AUTS2: variants seen among roughly 807,000 people sequenced by gnomAD.
AUTS2 encodes autism susceptibility gene 2 protein.
Under a neutral mutation model 112.4 loss-of-function variants are expected in AUTS2, and 17 were observed. The ratio of observed to expected loss-of-function variants is 0.15; its 90% confidence interval spans 0.10 to 0.23. The LOEUF is 0.23. Ranked by LOEUF, AUTS2 falls within the 10% of genes least tolerant of loss-of-function variation. The probability of loss-of-function intolerance (pLI) is 1.00; values close to 1 mark genes in which losing one functional copy is unlikely to be tolerated. For missense variants in AUTS2, 1,510 were observed against 1,701.6 expected, an observed-to-expected ratio of 0.89 and a Z score of 1.98; for synonymous variants, 751 against 702.7, an observed-to-expected ratio of 1.07 and a Z score of -1.09.
At chr7:70,679,895 T>C in intron 5 of AUTS2, among the ~76,000 whole-genome samples, 1 of 152,354 alleles carries the variant, frequency 6.6e-6, no homozygotes, top group East Asian at 1.9e-4. Flanking sequence ...TGATGACACA[T>C]TTACCCTTTT....
chr7:69,933,455 G>A (rs796118676), intron 2 of AUTS2, among the ~76,000 whole-genome samples: 4 of 152,128 alleles, frequency 2.6e-5, no homozygotes, highest in African/African-American at 7.2e-5. Context: ...TTTTTTCTTC[G>A]TTTAATCCTT....
intron 1 of AUTS2, among the ~76,000 whole-genome samples, chr7:69,726,555 G>A (rs1206209778): frequency 1.3e-4 from 20 of 148,498 alleles, no homozygotes; most frequent in Non-Finnish European, 2.7e-4. Flanking sequence ...TTTTTTTAAC[G>A]TAAGTGCCTA....
chr7:70,022,820 A>T (rs1005862989), intron 2 of AUTS2, among the ~76,000 whole-genome samples: 3 of 151,758 alleles, frequency 2.0e-5, no homozygotes, highest in Non-Finnish European at 4.4e-5. Flanking sequence ...TGTACAGGCA[A>T]CCCTCTAACT....
chr7:70,063,404 A>G (rs1258946664), intron 2 of AUTS2, among the ~76,000 whole-genome samples: 8 of 152,180 alleles, frequency 5.3e-5, no homozygotes, highest in African/African-American at 1.9e-4. Flanking sequence ...AGAATGATGA[A>G]GAGCAAAATT....
chr7:70,671,964 A>G (rs192930538), intron 5 of AUTS2, among the ~76,000 whole-genome samples: 2 of 152,350 alleles, frequency 1.3e-5, no homozygotes, highest in Non-Finnish European at 2.9e-5. Context: ...CGTGGCAGTG[A>G]GAGTGGAAGG....
In AUTS2 at chr7:69,910,576, TG is replaced by T. The variant is rs1795313328; in HGVS notation, c.522+11080del. Reference sequence around the variant, plus strand: ...AGCAGGTCACATCTTACGTGGATGGTGGCAGGCAAATAGAGCATTTGTGCAG... The same window carrying T: ...AGCAGGTCACATCTTACGTGGATGGTGCAGGCAAATAGAGCATTTGTGCAG... On this transcript the variant is annotated intron_variant, in intron 2 of 18. Coordinates refer to ENST00000342771, the MANE Select transcript of AUTS2 (RefSeq NM_015570.4). Among the ~76,000 whole-genome samples, 5 of 152,332 alleles carry T rather than the reference TG, an allele frequency of 3.3e-5. No homozygotes were observed. The South Asian group carries it at 1.0e-3, about 32-fold the overall frequency.
In AUTS2 at chr7:70,189,763, A is replaced by G. The variant is rs377353022; in HGVS notation, c.660+55192A>G. 2.0e-3 allele frequency among the ~76,000 whole-genome samples: 303 copies of G among 152,346 alleles called. 5 individuals are homozygous for G. In the South Asian group the frequency reaches 0.045, roughly 22 times the overall value. On this transcript the variant is annotated intron_variant, in intron 4 of 18. Transcript: ENST00000342771. ...ATTGATTTCTTTGATGCTGAAAGAA[A>G]GAGAATAAATTTTGACTGCACGATG...
chr7:69,919,856 T>C (rs966188710), intron 2 of AUTS2, among the ~76,000 whole-genome samples: 1 of 152,210 alleles, frequency 6.6e-6, no homozygotes, highest in African/African-American at 2.4e-5. Flanking sequence ...AAGTATGTGA[T>C]ACCTACAAAG....
At chr7:70,347,737 C>T (rs1272797378) in intron 4 of AUTS2, among the ~76,000 whole-genome samples, 1 of 152,138 alleles carries the variant, frequency 6.6e-6, no homozygotes, top group Non-Finnish European at 1.5e-5. Flanking sequence ...AATTGGATGT[C>T]TTCTGCAGGG....
intron 1 of AUTS2, among the ~76,000 whole-genome samples, chr7:69,780,391 C>G (rs967822815): frequency 3.3e-5 from 5 of 152,000 alleles, no homozygotes; most frequent in African/African-American, 1.2e-4. Flanking sequence ...AAATTTTGAC[C>G]TTTTCTATTA....
At chr7:69,746,928 G>A (rs960560891) in intron 1 of AUTS2, among the ~76,000 whole-genome samples, 1 of 152,152 alleles carries the variant, frequency 6.6e-6, no homozygotes, top group African/African-American at 2.4e-5. Context: ...GATGCTGCCT[G>A]CCTAAGGCTG....
At chr7:70,039,047 C>G (rs1584619980) in intron 2 of AUTS2, among the ~76,000 whole-genome samples, 1 of 151,790 alleles carries the variant, frequency 6.6e-6, no homozygotes, top group South Asian at 2.1e-4. Context: ...GTGTGAGTCA[C>G]CACACCTGGC....
At chr7:69,749,628 C>T (rs1277722191) in intron 1 of AUTS2, among the ~76,000 whole-genome samples, 1 of 152,200 alleles carries the variant, frequency 6.6e-6, no homozygotes, top group Non-Finnish European at 1.5e-5. Context: ...AGTGCAAGGG[C>T]TCACCATTTT....
chr7:70,599,956 G>A (rs1585357192), intron 5 of AUTS2, among the ~76,000 whole-genome samples: 1 of 152,164 alleles, frequency 6.6e-6, no homozygotes, highest in Non-Finnish European at 1.5e-5. Flanking sequence ...CTGGGTCACT[G>A]GTTCTCAAAA....
intron 1 of AUTS2, among the ~76,000 whole-genome samples, chr7:69,819,891 G>GC (rs1456770593): frequency 1.3e-5 from 2 of 152,128 alleles, no homozygotes; most frequent in Non-Finnish European, 2.9e-5. Context: ...GAGCCACTGG[G>GC]CCCAGCCCCC....
chr7:70,156,390 C>CCA (rs1807759749), intron 4 of AUTS2, among the ~76,000 whole-genome samples: 1 of 152,136 alleles, frequency 6.6e-6, no homozygotes, highest in Non-Finnish European at 1.5e-5. Flanking sequence ...TAGAAGAGAG[C>CCA]TTTTCTCTGG....
Position 70,182,082 on chromosome 7 carries a change from G to A in AUTS2, c.660+47511G>A, listed in dbSNP as rs546751128. ...CTCCCAAAGTGCTGGGATTACAGGC[G>A]TGAGCCACCACGCCCAGCTGAGCTA... On this transcript the variant is annotated intron_variant, in intron 4 of 18. Coordinates refer to ENST00000342771, the MANE Select transcript of AUTS2 (RefSeq NM_015570.4). 3.9e-5 allele frequency among the ~76,000 whole-genome samples: 6 copies of A among 152,014 alleles called. No individual in the cohort carries two copies. The East Asian group carries it at 5.8e-4, about 15-fold the overall frequency.
intron 5 of AUTS2, among the ~76,000 whole-genome samples, chr7:70,594,778 A>C (rs1164042369): frequency 6.6e-6 from 1 of 152,172 alleles, no homozygotes; most frequent in Non-Finnish European, 1.5e-5. Context: ...AGATGTGACA[A>C]GCACTAAAAT....
chr7:69,749,418 T>C (rs1467724617), intron 1 of AUTS2, among the ~76,000 whole-genome samples: 1 of 152,220 alleles, frequency 6.6e-6, no homozygotes, highest in Admixed American at 6.5e-5. Context: ...TATTCCCTCA[T>C]CCTCTTCCTC....
Sources: allele counts gnomAD v4.1 joint callset (sites outside exome capture counted in the v4.1 genomes callset), GRCh38; gene constraint gnomAD v4.1.1; transcripts MANE v1.5; gene names NCBI Gene and HGNC (gene_info 2026-07-23, HGNC 2026-07-21).